The following PAPPA variants were observed in gnomAD, a reference collection of about 807,000 sequenced individuals.
PAPPA encodes the protein pappalysin 1, also known as pappalysin-1.
Under a neutral mutation model 164.0 loss-of-function variants are expected in PAPPA, and 60 were observed. That is an observed-to-expected ratio of 0.37 (90% CI 0.30 to 0.45). The LOEUF is 0.45. Ranked by LOEUF, PAPPA falls within the 20% of genes least tolerant of loss-of-function variation. The pLI is 1.00. For missense variants in PAPPA, 1,782 were observed against 2,087.3 expected (o/e 0.85, Z 2.85); for synonymous variants, 875 against 814.1 (o/e 1.07, Z -1.27).
chr9:116,214,328 A>G (rs2118691202), intron 4 of PAPPA, among the ~76,000 whole-genome samples: 1 of 152,328 alleles, frequency 6.6e-6, no homozygotes, highest in South Asian at 2.1e-4. Context: ...GAAATTTTTC[A>G]TAGGCTTGTC....
chr9:116,353,493 C>T (rs1484698616), intron 16 of PAPPA, 129 bp from the exon 17 acceptor site: 4 of 781,230 alleles, frequency 5.1e-6, no homozygotes, highest in Admixed American at 5.0e-5. Flanking sequence ...CCCACCAGAA[C>T]CCAATAGGTC....
Position 116,154,690 on chromosome 9 carries a change from G to C in PAPPA, c.415+103G>C. 1 of 1,216,050 alleles carries C rather than the reference G, an allele frequency of 8.2e-7. No individual in the cohort carries two copies. The allele number at this position is 1,216,050 out of a possible 1,614,324, so 75.3% of individuals were successfully genotyped here. ...GGGCGGGTCGGGGGCTTGCGGGCGTGTCTGTGCGAGAGCTGCCCCGCGAGC... is the reference window on the plus strand; with the variant it reads ...GGGCGGGTCGGGGGCTTGCGGGCGTCTCTGTGCGAGAGCTGCCCCGCGAGC... On this transcript the variant is annotated intron_variant, in intron 1 of 21. Coordinates refer to ENST00000328252, the MANE Select transcript of PAPPA (RefSeq NM_002581.5). The surrounding 1 kb of genome is among the most constrained non-coding windows in gnomAD (Gnocchi z 5.2).
Position 116,396,578 on chromosome 9 carries a change from C to T in PAPPA, c.4846C>T (p.His1616Tyr). 1.3e-6 allele frequency: 1 copy of T among 780,884 alleles called. No individual in the cohort carries two copies. The highest frequency in any genetic ancestry group is 2.4e-6 in the Non-Finnish European group (1 of 418,002). The allele number at this position is 780,884 out of a possible 1,614,324, so 48.4% of individuals were successfully genotyped here. ...TTGTCGGGACCCCCAGGCCCAAGAA[C>T]ACAGCCGGAAAGACCTCCGGGGATA... Reference protein sequence around the residue: ...CACRDPQAQEHSRKDLRGYSH... With the variant: ...CACRDPQAQEYSRKDLRGYSH... Residue 1616 changes from histidine to tyrosine, a missense_variant, in exon 22 of 22, where the codon CAC becomes TAC. Physicochemically the swap from His to Tyr is moderately conservative, Grantham distance 83 (BLOSUM62 2). Around this residue, in one of 2 missense-constraint regions of PAPPA, gnomAD observed 1,324 missense variants for 1,656.9 expected, o/e 0.80. Coordinates refer to ENST00000328252, the MANE Select transcript of PAPPA (RefSeq NM_002581.5).
intron 7 of PAPPA, among the ~76,000 whole-genome samples, chr9:116,241,881 C>A (rs1311264899): frequency 6.6e-6 from 1 of 150,850 alleles, no homozygotes; most frequent in Non-Finnish European, 1.5e-5. Flanking sequence ...CTTTTTTTTT[C>A]CTAAGCCTCA....
At chr9:116,241,825 A>G (rs555648660) in intron 7 of PAPPA, among the ~76,000 whole-genome samples, 28 of 152,236 alleles carry the variant, frequency 1.8e-4, no homozygotes, top group African/African-American at 6.5e-4. Flanking sequence ...TGGCTCTTAC[A>G]TGCTGTTTCT....
rs759094445 is a variant in PAPPA at position 116,235,274 on chromosome 9, C to T, written c.2369C>T (p.Pro790Leu). Reference protein sequence around the residue: ...GCYLELEFLYPLVPESLTIWV... With the variant: ...GCYLELEFLYLLVPESLTIWV... Reference sequence around the variant, plus strand: ...TACCTCGAGCTGGAGTTCCTCTACCCCTTGGTCCCTGAGTCTCTGACCATT... The same window carrying T: ...TACCTCGAGCTGGAGTTCCTCTACCTCTTGGTCCCTGAGTCTCTGACCATT... The change falls in exon 7 of 22, where the codon CCC becomes CTC. Residue 790 changes from proline (P) to leucine (L), a missense_variant. By Grantham distance (98) the Pro-to-Leu change is moderately conservative. Transcript: ENST00000328252. 1 of 1,614,034 alleles carries T rather than the reference C, an allele frequency of 6.2e-7. No homozygotes were observed. Among genetic ancestry groups the T allele is most frequent in the Admixed American group, 1.7e-5 (1 of 60,010 alleles).
chr9:116,205,824 A>C (rs948624266), intron 2 of PAPPA, among the ~76,000 whole-genome samples: 1 of 152,148 alleles, frequency 6.6e-6, no homozygotes, highest in South Asian at 2.1e-4. Context: ...TTCTTTATAT[A>C]AAGAAACTGA....
chr9:116,183,234 G>A (rs907787971), intron 1 of PAPPA, among the ~76,000 whole-genome samples: 2 of 152,134 alleles, frequency 1.3e-5, no homozygotes, highest in African/African-American at 2.4e-5. Flanking sequence ...GATCCTCAGA[G>A]GAGACAGAAC....
intron 9 of PAPPA, among the ~76,000 whole-genome samples, chr9:116,274,200 G>A (rs1845170181): frequency 6.6e-6 from 1 of 152,118 alleles, no homozygotes; most frequent in African/African-American, 2.4e-5. Context: ...CATCAGTGTT[G>A]TGGACAGTGT....
chr9:116,302,561 G>T (rs560241922), intron 9 of PAPPA, among the ~76,000 whole-genome samples, 196 bp from the exon 10 acceptor site: 4 of 151,892 alleles, frequency 2.6e-5, no homozygotes, highest in African/African-American at 9.6e-5. Flanking sequence ...CTTGAACATG[G>T]TTCATCCATG....
chr9:116,286,493 C>G (rs1283566300), intron 9 of PAPPA: 1 of 152,094 alleles, frequency 6.6e-6, no homozygotes, highest in African/African-American at 2.4e-5. Context: ...AGCCAATGCT[C>G]TTTGTTAAGG....
At chr9:116,336,004 T>G (rs184214329) in intron 13 of PAPPA, among the ~76,000 whole-genome samples, 56 of 152,304 alleles carry the variant, frequency 3.7e-4, no homozygotes, top group African/African-American at 1.3e-3. Context: ...GTTCTTAAAG[T>G]TAGAGCTGGA....
rs370812893 is a variant in PAPPA at position 116,187,503 on chromosome 9, C to T, written c.765C>T (p.His255=). 2.5e-6 allele frequency: 4 copies of T among 1,614,070 alleles called. No individual in the cohort carries two copies. The highest frequency in any genetic ancestry group is 3.4e-6 in the Non-Finnish European group (4 of 1,180,028). The change falls in exon 2 of 22, where the codon CAC becomes CAT. Residue 255 remains histidine, a synonymous_variant. Transcript: ENST00000328252. This position sits in a 1 kb window ranked among gnomAD's most constrained non-coding sequence, Gnocchi z 4.2. ...ACAACTACCGGGGCTACATCGAGCA[C>T]TTCAGTCTGTGGAAGGTGGCCAGGA... ...LNHNYRGYIE[H]FSLWKVARTQ...
intron 10 of PAPPA, among the ~76,000 whole-genome samples, chr9:116,329,879 C>T (rs573553668): frequency 6.6e-6 from 1 of 152,270 alleles, no homozygotes; most frequent in East Asian, 1.9e-4. Context: ...TAATAGAATT[C>T]TGTCATGTGA....
chr9:116,211,043 C>A lies in PAPPA; in HGVS notation c.1625-596C>A, dbSNP rs77757396. On this transcript the variant is annotated intron_variant, in intron 3 of 21. Coordinates refer to ENST00000328252, the MANE Select transcript of PAPPA (RefSeq NM_002581.5). ...TTGATTAAGAGTCCTGCTCAAGTGA[C>A]ATTAGCTAGTATGAAAACTGTTACA... Among the ~76,000 whole-genome samples the A allele has an allele frequency of 3.3e-5, 5 of 152,334 alleles. No homozygotes were observed. In the South Asian group the frequency reaches 8.3e-4, roughly 25 times the overall value.
At chr9:116,380,273 G>C (rs1846710732) in intron 20 of PAPPA, among the ~76,000 whole-genome samples, 3 of 151,100 alleles carry the variant, frequency 2.0e-5, no homozygotes, top group African/African-American at 7.3e-5. Context: ...TAAATACATA[G>C]GATGGAATAA....
intron 4 of PAPPA, among the ~76,000 whole-genome samples, chr9:116,217,169 A>G (rs1327765341): frequency 6.6e-6 from 1 of 152,246 alleles, no homozygotes; most frequent in East Asian, 1.9e-4. Context: ...AAAGAAAAAT[A>G]CACTTTTTTG....
chr9:116,208,967 T>C (rs1177990152), intron 3 of PAPPA, among the ~76,000 whole-genome samples: 1 of 152,168 alleles, frequency 6.6e-6, no homozygotes, highest in Admixed American at 6.5e-5. Flanking sequence ...ATGTTTTTGC[T>C]TCTTACAAAT....
chr9:116,352,401 T>C (rs1314171406), intron 15 of PAPPA, among the ~76,000 whole-genome samples: 1 of 151,992 alleles, frequency 6.6e-6, no homozygotes, highest in African/African-American at 2.4e-5. Context: ...GTAAGAAAAA[T>C]GGATTCAAGG....
Sources: allele counts gnomAD v4.1 joint callset (sites outside exome capture counted in the v4.1 genomes callset), GRCh38; gene constraint gnomAD v4.1.1; regional missense constraint gnomAD v4.1.1; non-coding constraint Gnocchi (gnomAD v3.1); transcripts MANE v1.5; gene names NCBI Gene and HGNC (gene_info 2026-07-23, HGNC 2026-07-21).